MYO10: variants seen among roughly 807,000 people sequenced by gnomAD.
MYO10 encodes the protein myosin X.
Under a neutral mutation model 257.3 loss-of-function variants are expected in MYO10, and 133 were observed. That is an observed-to-expected ratio of 0.52 (90% confidence interval 0.45 to 0.60). The LOEUF (loss-of-function observed/expected upper bound fraction) is 0.60. Among genes scored for constraint, MYO10 ranks in the 20% least tolerant of loss-of-function variants. The pLI, the probability that MYO10 is intolerant of heterozygous loss-of-function variation, is 0.00. For synonymous variants in MYO10, 1,104 were observed against 1,028.6 expected (o/e 1.07, Z -1.40); for missense variants, 2,399 against 2,635.7 (o/e 0.91, Z 1.97).
chr5:16,910,108 A>G (rs1249045237), intron 1 of MYO10, among the ~76,000 whole-genome samples: 1 of 152,180 alleles, frequency 6.6e-6, no homozygotes, highest in African/African-American at 2.4e-5. Context: ...ATGGACTAAG[A>G]TAACAGGTAT....
intron 3 of MYO10, among the ~76,000 whole-genome samples, chr5:16,806,005 A>C (rs950378392): frequency 3.3e-5 from 5 of 152,182 alleles, no homozygotes; most frequent in Admixed American, 1.3e-4. Flanking sequence ...TGTATATCAA[A>C]ATATCATGTT....
chr5:16,730,242 GCTT>G (rs1194636415), intron 19 of MYO10, among the ~76,000 whole-genome samples: 11 of 152,158 alleles, frequency 7.2e-5, no homozygotes, highest in African/African-American at 2.7e-4. Flanking sequence ...CTAAACAAAC[GCTT>G]CTTATTAAAT....
intron 19 of MYO10, among the ~76,000 whole-genome samples, chr5:16,743,377 T>G (rs555172232): frequency 3.3e-5 from 5 of 152,236 alleles, no homozygotes; most frequent in African/African-American, 1.2e-4. Context: ...ACACGGTGGC[T>G]TACGTCTGTA....
rs1035565287 is a variant in MYO10, at chr5:16,753,443, A to G, written c.1929+1385T>C. ...CGGCCTCCCAAAGTGCTGGGATTACAGGCGTGAGCCACCGTGCCCGGCCTT... is the reference window on the plus strand; with the variant it reads ...CGGCCTCCCAAAGTGCTGGGATTACGGGCGTGAGCCACCGTGCCCGGCCTT... On this transcript the variant is annotated intron_variant, in intron 19 of 40. Transcript: ENST00000513610. Among the ~76,000 whole-genome samples the G allele has an allele frequency of 2.7e-5, 4 of 147,636 alleles. No individual in the cohort carries two copies. The East Asian group carries it at 8.0e-4, about 29-fold the overall frequency.
Position 16,701,392 on chromosome 5 carries a change from G to T in MYO10, c.3003C>A (p.Asp1001Glu). 1 of 1,613,988 alleles carries T rather than the reference G, an allele frequency of 6.2e-7. No individual in the cohort carries two copies. Among genetic ancestry groups the T allele is most frequent in the Non-Finnish European group, 8.5e-7 (1 of 1,179,890 alleles). Residue 1001 changes from aspartate (D) to glutamate (E), a missense_variant, in exon 25 of 41, where the codon GAC becomes GAA. Transcript: ENST00000513610. This position sits in a 1 kb window ranked among gnomAD's most constrained non-coding sequence, Gnocchi z 8.1. ...GGTTGGGGGAGTCCTTGAAGGCGTC[G>T]TCGTCGGCTTCGAAGCCCTCATCGA... The part of the protein sequence containing the change: ...EEVDEGFEAD[D>E]DAFKDSPNPS...
chr5:16,674,851 A>G lies in MYO10; in HGVS notation c.4964+2T>C. ...CTCATCTCCCGTGCCCCCATGCTTT[A>G]CCTTTTCAGATGGAACTTGAGATAC... On this transcript the variant is annotated splice_donor_variant, in intron 35 of 40. Coordinates refer to ENST00000513610, the MANE Select transcript of MYO10 (RefSeq NM_012334.3). LOFTEE classifies it high-confidence loss of function. 1 of 1,613,694 alleles carries G rather than the reference A, an allele frequency of 6.2e-7. No individual in the cohort carries two copies. The highest frequency in any genetic ancestry group is 8.5e-7 in the Non-Finnish European group (1 of 1,179,788).
chr5:16,707,526 AT>A (rs1433571041), intron 21 of MYO10, among the ~76,000 whole-genome samples: 1 of 152,180 alleles, frequency 6.6e-6, no homozygotes, highest in Non-Finnish European at 1.5e-5. Context: ...CCTGTGGGTT[AT>A]TCTAGTACAC....
intron 2 of MYO10, among the ~76,000 whole-genome samples, chr5:16,873,068 A>G (rs1354018037): frequency 6.6e-6 from 1 of 152,188 alleles, no homozygotes; most frequent in Non-Finnish European, 1.5e-5. Flanking sequence ...GCATTAACCC[A>G]GAAGTCCACA....
At chr5:16,916,938 G>A (rs1405917419) in intron 1 of MYO10, among the ~76,000 whole-genome samples, 1 of 152,048 alleles carries the variant, frequency 6.6e-6, no homozygotes, top group African/African-American at 2.4e-5. Flanking sequence ...GATTGCTAAC[G>A]TCAGCCCCTT....
chr5:16,703,330 G>T (rs1452336530), intron 22 of MYO10, among the ~76,000 whole-genome samples, 172 bp from the exon 23 acceptor site: 1 of 152,112 alleles, frequency 6.6e-6, no homozygotes, highest in African/African-American at 2.4e-5. Flanking sequence ...CAAAACAGGA[G>T]AAAAACAAAG....
chr5:16,905,730 T>C (rs1745502139), intron 1 of MYO10, among the ~76,000 whole-genome samples: 1 of 152,190 alleles, frequency 6.6e-6, no homozygotes, highest in Non-Finnish European at 1.5e-5. Flanking sequence ...TTTGTTTGCT[T>C]TAACAAATAA....
At position 16,878,242 on chromosome 5, in the gene MYO10, A is replaced by G. The variant is rs1021259270; in HGVS notation, c.22-535T>C. On this transcript the variant is annotated intron_variant, in intron 1 of 40. Coordinates refer to ENST00000513610, the MANE Select transcript of MYO10 (RefSeq NM_012334.3). The stretch of plus-strand genomic sequence containing the variant: ...TACACTTGCCCACTTGGAGGACATT[A>G]GACCACTCCCTTGACTCCTACTTAT... 7.9e-5 allele frequency among the ~76,000 whole-genome samples: 12 copies of G among 152,206 alleles called. 1 individual carries two copies. The East Asian group carries it at 2.3e-3, about 29-fold the overall frequency.
intron 1 of MYO10, among the ~76,000 whole-genome samples, chr5:16,887,789 C>T (rs1390723936): frequency 1.3e-5 from 2 of 152,166 alleles, no homozygotes; most frequent in East Asian, 3.9e-4. Context: ...CCATGTCTGG[C>T]CTCAGTCCTG....
At chr5:16,780,489 G>A (rs1282889551) in intron 8 of MYO10, 35 bp downstream of exon 8, 38 of 1,489,042 alleles carry the variant, frequency 2.6e-5, no homozygotes, top group Non-Finnish European at 3.4e-5. Flanking sequence ...AAAATGAGTT[G>A]CTAGTCCACA....
At chr5:16,744,303 T>A (rs1027014642) in intron 19 of MYO10, among the ~76,000 whole-genome samples, 1 of 152,172 alleles carries the variant, frequency 6.6e-6, no homozygotes, top group African/African-American at 2.4e-5. Flanking sequence ...CCTCACTTAA[T>A]ACACATAACC....
intron 19 of MYO10, among the ~76,000 whole-genome samples, chr5:16,753,051 A>G (rs1223936848): frequency 1.3e-5 from 2 of 152,210 alleles, no homozygotes; most frequent in African/African-American, 2.4e-5. Flanking sequence ...TCTCACCATC[A>G]TATCTCACAG....
intron 4 of MYO10, among the ~76,000 whole-genome samples, chr5:16,793,134 C>T (rs1400691539): frequency 6.6e-6 from 1 of 152,092 alleles, no homozygotes; most frequent in Non-Finnish European, 1.5e-5. Flanking sequence ...TGAAGAAATG[C>T]TTGGCGCCTC....
At chr5:16,839,528 G>A (rs898045651) in intron 2 of MYO10, among the ~76,000 whole-genome samples, 3 of 152,080 alleles carry the variant, frequency 2.0e-5, no homozygotes, top group Non-Finnish European at 4.4e-5. Flanking sequence ...AGGACTACTT[G>A]AGCCAGGAGT....
intron 21 of MYO10, among the ~76,000 whole-genome samples, chr5:16,706,333 T>A (rs984273404): frequency 2.0e-5 from 3 of 152,104 alleles, no homozygotes; most frequent in African/African-American, 7.2e-5. Context: ...ACTCTGTTGG[T>A]GCAGAAGCTA....
Sources: allele counts gnomAD v4.1 joint callset (sites outside exome capture counted in the v4.1 genomes callset), GRCh38; gene constraint gnomAD v4.1.1; non-coding constraint Gnocchi (gnomAD v3.1); transcripts MANE v1.5; gene names NCBI Gene and HGNC (gene_info 2026-07-23, HGNC 2026-07-21).